The following EXOC6B variants were observed in gnomAD, a reference collection of about 807,000 sequenced individuals.
EXOC6B encodes the protein exocyst complex component 6B, also known as SEC15 homolog B.
Under a neutral mutation model 113.5 loss-of-function variants are expected in EXOC6B, and 54 were observed. The ratio of observed to expected loss-of-function variants is 0.48; its 90% CI spans 0.38 to 0.60. The LOEUF is 0.60. EXOC6B is among the 20% of genes least tolerant of loss of function. The pLI is 0.00. For synonymous variants in EXOC6B, 357 were observed against 339.0 expected (o/e 1.05, Z -0.58); for missense variants, 797 against 977.5 (o/e 0.82, Z 2.46).
At chr2:72,412,804 T>C (rs532892466) in intron 18 of EXOC6B, among the ~76,000 whole-genome samples, 2 of 152,238 alleles carry the variant, frequency 1.3e-5, no homozygotes, top group African/African-American at 4.8e-5. Context: ...CAGCTCATCA[T>C]CACCTTTTTT....
intron 18 of EXOC6B, among the ~76,000 whole-genome samples, chr2:72,430,909 T>C (rs1175023534): frequency 2.0e-5 from 3 of 152,190 alleles, no homozygotes; most frequent in African/African-American, 7.2e-5. Context: ...AGGGAACAAA[T>C]TCCATAGCCA....
intron 1 of EXOC6B, among the ~76,000 whole-genome samples, chr2:72,764,364 C>CTTTT (rs397869115): frequency 3.8e-3 from 252 of 66,820 alleles, no homozygotes; most frequent in African/African-American, 5.9e-3. Flanking sequence ...TATTTTCTCT[C>CTTTT]TTTTTTTTTT....
intron 18 of EXOC6B, among the ~76,000 whole-genome samples, chr2:72,419,601 T>G (rs961284492): frequency 6.6e-6 from 1 of 152,164 alleles, no homozygotes; most frequent in Admixed American, 6.5e-5. Context: ...GTTTGTTTTT[T>G]CTTTTAACAC....
intron 20 of EXOC6B, among the ~76,000 whole-genome samples, chr2:72,331,096 T>C (rs1355634779): frequency 6.6e-6 from 1 of 152,104 alleles, no homozygotes; most frequent in East Asian, 1.9e-4. Context: ...GTAATTTATT[T>C]TGTAGCAAAA....
intron 20 of EXOC6B, among the ~76,000 whole-genome samples, chr2:72,329,031 T>C (rs1688287154): frequency 6.6e-6 from 1 of 152,084 alleles, no homozygotes; most frequent in African/African-American, 2.4e-5. Context: ...ATATTTCAAC[T>C]GAGCGCTTGG....
chr2:72,560,530 T>G (rs1703832935), intron 7 of EXOC6B, among the ~76,000 whole-genome samples: 1 of 152,088 alleles, frequency 6.6e-6, no homozygotes, highest in African/African-American at 2.4e-5. Context: ...AAACCTCATT[T>G]CTTCTTTTGG....
At chr2:72,794,416 GATTT>G (rs1047097408) in intron 1 of EXOC6B, among the ~76,000 whole-genome samples, 4 of 152,018 alleles carry the variant, frequency 2.6e-5, no homozygotes, top group African/African-American at 9.7e-5. Flanking sequence ...GTAATCCTGA[GATTT>G]GGTGAATATT....
chr2:72,216,629 T>C (rs1026472067), intron 20 of EXOC6B, among the ~76,000 whole-genome samples: 1 of 152,110 alleles, frequency 6.6e-6, no homozygotes, highest in Non-Finnish European at 1.5e-5. Flanking sequence ...ACTATTCCAA[T>C]AGCAAAGACA....
chr2:72,523,796 A>G (rs1043437774), intron 8 of EXOC6B, among the ~76,000 whole-genome samples: 2 of 151,410 alleles, frequency 1.3e-5, no homozygotes, highest in Admixed American at 6.6e-5. Flanking sequence ...AAAAAAAAAA[A>G]AAAAAAAAAG....
intron 6 of EXOC6B, among the ~76,000 whole-genome samples, chr2:72,602,215 T>C (rs1339748337): frequency 6.6e-6 from 1 of 152,196 alleles, no homozygotes; most frequent in African/African-American, 2.4e-5. Flanking sequence ...GAGATGATCA[T>C]AAGAATTTAT....
At chr2:72,469,959 A>C (rs1311674669) in intron 17 of EXOC6B, among the ~76,000 whole-genome samples, 1 of 152,016 alleles carries the variant, frequency 6.6e-6, no homozygotes, top group Admixed American at 6.6e-5. Context: ...ACTTTGAAAA[A>C]TTTTCTAATA....
At chr2:72,337,635 T>C (rs1688766081) in intron 19 of EXOC6B, among the ~76,000 whole-genome samples, 1 of 152,198 alleles carries the variant, frequency 6.6e-6, no homozygotes, top group Non-Finnish European at 1.5e-5. Context: ...CCAAAGGATA[T>C]AATGGCCTTT....
At position 72,626,666 on chromosome 2, in the gene EXOC6B, G is replaced by A. The variant is rs182974016; in HGVS notation, c.670-50998C>T. On this transcript the variant is annotated intron_variant, in intron 6 of 21. Transcript: ENST00000272427. ...TTTGTCTTCTCAAGTAGATAATAAC[G>A]ACAAAGACAAAATTATGACCTTTTA... Among the ~76,000 whole-genome samples, 850 of 152,098 alleles carry A rather than the reference G, an allele frequency of 5.6e-3. 3 individuals are homozygous for A. The highest frequency in any genetic ancestry group is 9.6e-3 in the Non-Finnish European group (651 of 67,966).
chr2:72,179,152 C>T lies in EXOC6B; in HGVS notation c.*183G>A. On this transcript the variant is annotated 3_prime_UTR_variant, in exon 22 of 22. Transcript: ENST00000272427. ...TCCCAGCCTAGCAACATCTCATGTA[C>T]TTGCTTATTCTTGTGCCTCTTTTAC... The T allele has an allele frequency of 1.6e-6, 1 of 636,696 alleles. No homozygotes were observed. The highest frequency in any genetic ancestry group is 2.6e-6 in the Non-Finnish European group (1 of 391,454). 39.4% of individuals were successfully genotyped at this position (636,696 alleles called of 1,614,324 possible).
chr2:72,331,578 A>G (rs575816768), intron 20 of EXOC6B, among the ~76,000 whole-genome samples: 1 of 152,218 alleles, frequency 6.6e-6, no homozygotes, highest in East Asian at 1.9e-4. Flanking sequence ...TGATGGAAAT[A>G]TACACATATA....
intron 20 of EXOC6B, among the ~76,000 whole-genome samples, chr2:72,265,021 G>A (rs1194070538): frequency 1.3e-5 from 2 of 151,856 alleles, no homozygotes; most frequent in African/African-American, 4.8e-5. Context: ...ACGTGGAAGC[G>A]ACTTTGGAAC....
chr2:72,823,838 T>C (rs541924435), intron 1 of EXOC6B, among the ~76,000 whole-genome samples: 2 of 152,284 alleles, frequency 1.3e-5, no homozygotes, highest in South Asian at 2.1e-4. Context: ...ACATTTGTCT[T>C]GTCATTATTA....
At chr2:72,515,360 G>A in intron 8 of EXOC6B, 7 of 1,086,002 alleles carry the variant, frequency 6.4e-6, no homozygotes, top group Non-Finnish European at 8.6e-6. Flanking sequence ...GAACCTACCA[G>A]AACTTAATCA....
chr2:72,283,215 G>A (rs1189548982), intron 20 of EXOC6B, among the ~76,000 whole-genome samples: 1 of 152,086 alleles, frequency 6.6e-6, no homozygotes, highest in Non-Finnish European at 1.5e-5. Flanking sequence ...TCTAACCACT[G>A]TAAAATCAAG....
Sources: allele counts gnomAD v4.1 joint callset (sites outside exome capture counted in the v4.1 genomes callset), GRCh38; gene constraint gnomAD v4.1.1; transcripts MANE v1.5; gene names NCBI Gene and HGNC (gene_info 2026-07-23, HGNC 2026-07-21).